RPSA2: variants seen among roughly 807,000 people sequenced by gnomAD.
RPSA2 encodes ribosomal protein SA 2.
At chr19:23,832,480 A>G in the RPSA2 span, 1 of 495,298 alleles carries the variant, frequency 2.0e-6, no homozygotes, top group South Asian at 1.7e-5. Flanking sequence ...CAACAAATCT[A>G]TGTGGCAAAC....
the RPSA2 span, among the ~76,000 whole-genome samples, chr19:23,864,351 A>T: frequency 6.6e-6 from 1 of 152,212 alleles, no homozygotes; most frequent in East Asian, 1.9e-4. Flanking sequence ...TGGGCTTCAC[A>T]GGAAATATAT....
chr19:23,761,690 C>T, the RPSA2 span, among the ~76,000 whole-genome samples: 1 of 151,826 alleles, frequency 6.6e-6, no homozygotes, highest in Non-Finnish European at 1.5e-5. Context: ...AGGGTCTAAA[C>T]TAGCAAATCA....
chr19:23,809,015 A>G, the RPSA2 span: 1 of 193,006 alleles, frequency 5.2e-6, no homozygotes, highest in African/African-American at 2.4e-5. Flanking sequence ...ATTTCCCTTC[A>G]GTGTTCTTCC....
At chr19:23,795,778 T>A in the RPSA2 span, among the ~76,000 whole-genome samples, 2 of 152,148 alleles carry the variant, frequency 1.3e-5, no homozygotes, top group African/African-American at 4.8e-5. Flanking sequence ...CAAGCTTGTT[T>A]TTTTCCTTTA....
the RPSA2 span, among the ~76,000 whole-genome samples, chr19:23,839,780 G>C: frequency 6.6e-6 from 1 of 152,294 alleles, no homozygotes; most frequent in Non-Finnish European, 1.5e-5. Context: ...AGCTCCCAGG[G>C]CCTCCCTGTT....
the RPSA2 span, among the ~76,000 whole-genome samples, chr19:23,774,160 G>T: frequency 4.6e-5 from 7 of 152,108 alleles, no homozygotes; most frequent in East Asian, 1.2e-3. Flanking sequence ...CTTTGCCTTG[G>T]CACTGCCCAC....
the RPSA2 span, among the ~76,000 whole-genome samples, chr19:23,793,041 G>A: frequency 7.9e-5 from 12 of 152,106 alleles, no homozygotes; most frequent in Admixed American, 7.9e-4. Flanking sequence ...CATATCCTGT[G>A]GGAAGAGAAT....
chr19:23,787,401 G>C, the RPSA2 span, among the ~76,000 whole-genome samples: 1 of 151,322 alleles, frequency 6.6e-6, no homozygotes, highest in Admixed American at 6.6e-5. Flanking sequence ...AGGAGTACAA[G>C]ACCAGCCTGC....
the RPSA2 span, among the ~76,000 whole-genome samples, chr19:23,808,519 A>G: frequency 1.3e-5 from 2 of 152,052 alleles, no homozygotes; most frequent in Non-Finnish European, 2.9e-5. Flanking sequence ...AGCCTCCCAA[A>G]TTGCTGAGAT....
At chr19:23,777,978 C>T in the RPSA2 span, among the ~76,000 whole-genome samples, 1 of 152,174 alleles carries the variant, frequency 6.6e-6, no homozygotes, top group Non-Finnish European at 1.5e-5. Flanking sequence ...TTGCTGGTTT[C>T]AGCACCAAGC....
At chr19:23,846,923 G>A in the RPSA2 span, among the ~76,000 whole-genome samples, 1 of 152,126 alleles carries the variant, frequency 6.6e-6, no homozygotes, top group Non-Finnish European at 1.5e-5. Context: ...GAGTTGGGAA[G>A]TTTTCATCAA....
the RPSA2 span, among the ~76,000 whole-genome samples, chr19:23,788,996 C>T: frequency 2.4e-5 from 3 of 124,994 alleles, no homozygotes; most frequent in Admixed American, 1.7e-4. Context: ...GTGGCCTGTG[C>T]TCATCTTTTC....
At chr19:23,824,580 C>CTTTTTTTTT in the RPSA2 span, among the ~76,000 whole-genome samples, 6 of 63,804 alleles carry the variant, frequency 9.4e-5, no homozygotes, top group African/African-American at 3.7e-4. Flanking sequence ...TATAGCATTT[C>CTTTTTTTTT]TTTTTTTTTT....
chr19:23,787,945 C>T, the RPSA2 span, among the ~76,000 whole-genome samples: 6,559 of 152,194 alleles, frequency 0.043, 210 homozygotes, highest in South Asian at 0.16. Context: ...TCGTTTTGTC[C>T]GTAGGTTAGA....
chr19:23,809,289 T>G, the RPSA2 span: 1 of 152,382 alleles, frequency 6.6e-6, no homozygotes, highest in African/African-American at 2.4e-5. Context: ...AGTTTGAAAT[T>G]ATAAAGTATG....
chr19:23,798,036 C>A, the RPSA2 span, among the ~76,000 whole-genome samples: 1 of 151,914 alleles, frequency 6.6e-6, no homozygotes, highest in African/African-American at 2.4e-5. Context: ...TCATTAACAG[C>A]TAAATAAATC....
chr19:23,787,156 A>G, the RPSA2 span, among the ~76,000 whole-genome samples: 1 of 152,096 alleles, frequency 6.6e-6, no homozygotes, highest in Middle Eastern at 3.2e-3. Context: ...TTTTGCCTTC[A>G]GATGACATTG....
chr19:23,787,984 G>A, the RPSA2 span, among the ~76,000 whole-genome samples: 1 of 152,212 alleles, frequency 6.6e-6, no homozygotes, highest in East Asian at 1.9e-4. Context: ...CCTGGGTCAT[G>A]CTAACAGAAG....
At chr19:23,761,922 T>TCCTTCCTTCC in the RPSA2 span, among the ~76,000 whole-genome samples, 104 of 98,986 alleles carry the variant, frequency 1.1e-3, no homozygotes, top group East Asian at 1.5e-3. Flanking sequence ...CTTTCTTTCT[T>TCCTTCCTTCC]TTTTTTTTTT....
Sources: allele counts gnomAD v4.1 joint callset (sites outside exome capture counted in the v4.1 genomes callset), GRCh38; gene constraint gnomAD v4.1.1; transcripts MANE v1.5; gene names NCBI Gene and HGNC (gene_info 2026-07-23, HGNC 2026-07-21).